The following CD163L1 variants were observed in gnomAD, a reference collection of about 807,000 sequenced individuals.
CD163L1 encodes the protein CD163 molecule like 1.
Under a neutral mutation model 165.4 loss-of-function variants are expected in CD163L1, and 124 were observed. The observed-to-expected ratio is 0.75, with a 90% CI of 0.65 to 0.87. CD163L1 has a LOEUF of 0.87. CD163L1 is among the 40% of genes least tolerant of loss of function. The pLI is 0.00. For missense variants in CD163L1, 1,525 were observed against 1,799.9 expected (o/e 0.85, Z 2.76); for synonymous variants, 585 against 662.2 (o/e 0.88, Z 1.79).
At chr12:7,438,333 AT>A in intron 2 of CD163L1, among the ~76,000 whole-genome samples, 1 of 152,186 alleles carries the variant, frequency 6.6e-6, no homozygotes, top group Non-Finnish European at 1.5e-5. Context: ...TATAAAAATA[AT>A]TTTTATAATG....
intron 6 of CD163L1, among the ~76,000 whole-genome samples, chr12:7,401,158 C>T (rs1177307055): frequency 6.6e-6 from 1 of 152,114 alleles, no homozygotes; most frequent in Non-Finnish European, 1.5e-5. Flanking sequence ...CTCTCAGTAC[C>T]TCTATTTCCT....
At position 7,432,224 on chromosome 12, in the gene CD163L1, TA is replaced by T. The variant is rs1418583974; in HGVS notation, c.766+191del. Among the ~76,000 whole-genome samples the T allele has an allele frequency of 6.6e-6, 1 of 152,242 alleles. No homozygotes were observed. The highest frequency in any genetic ancestry group is 1.5e-5 in the Non-Finnish European group (1 of 68,032). ...AAATATTAAAACTCAAAATGTGCTT[TA>T]GATTTGTTAGGAAGAGCAGTTTTAG... is the stretch of plus-strand genomic sequence containing the variant. On this transcript the variant is annotated intron_variant, in intron 4 of 19. Coordinates refer to ENST00000313599, the MANE Select transcript of CD163L1 (RefSeq NM_174941.6). The surrounding 1 kb of genome is among the most constrained non-coding windows in gnomAD (Gnocchi z 4.2).
intron 4 of CD163L1, among the ~76,000 whole-genome samples, chr12:7,426,568 T>C (rs1052767320): frequency 1.3e-5 from 2 of 152,140 alleles, no homozygotes; most frequent in Non-Finnish European, 2.9e-5. Flanking sequence ...GCTCAGGTGA[T>C]GGGTGCACCA....
chr12:7,320,256 T>A, the CD163L1 span, among the ~76,000 whole-genome samples: 6 of 152,130 alleles, frequency 3.9e-5, no homozygotes, highest in African/African-American at 1.4e-4. Context: ...CCAAAAAAAA[T>A]GCTTATTTCT....
intron 2 of CD163L1, among the ~76,000 whole-genome samples, chr12:7,435,861 G>A (rs998031544): frequency 6.6e-6 from 1 of 151,970 alleles, no homozygotes; most frequent in Non-Finnish European, 1.5e-5. Context: ...TTTACTTAAC[G>A]AAAACTTAAA....
intron 2 of CD163L1, 124 bp from the exon 3 acceptor site, chr12:7,433,818 G>T: frequency 5.7e-6 from 4 of 698,136 alleles, no homozygotes; most frequent in Admixed American, 3.5e-5. Flanking sequence ...ATAGTAGAGA[G>T]AAAATAAAAA....
At chr12:7,414,011 G>A (rs934520092) in intron 4 of CD163L1, among the ~76,000 whole-genome samples, 1 of 152,076 alleles carries the variant, frequency 6.6e-6, no homozygotes, top group African/African-American at 2.4e-5. Flanking sequence ...TAGAGGAAAT[G>A]ACTTATTCAA....
chr12:7,357,597 G>A, intron 18 of CD163L1, 111 bp from the exon 19 acceptor site: 3 of 714,436 alleles, frequency 4.2e-6, no homozygotes, highest in East Asian at 2.6e-5. Context: ...AGAGCAAGAG[G>A]TGACTATTAC....
intron 8 of CD163L1, among the ~76,000 whole-genome samples, chr12:7,380,634 G>A (rs1366861151): frequency 6.6e-6 from 1 of 152,020 alleles, no homozygotes; most frequent in Non-Finnish European, 1.5e-5. Context: ...CAGGGGAAAG[G>A]GTACGAGGGG....
chr12:7,337,915 C>A, the CD163L1 span, among the ~76,000 whole-genome samples: 1 of 152,146 alleles, frequency 6.6e-6, no homozygotes, highest in Non-Finnish European at 1.5e-5. Context: ...GGAGCCAACC[C>A]AAATGTCCAT....
At chr12:7,323,173 C>T in the CD163L1 span, 2 of 1,432,958 alleles carry the variant, frequency 1.4e-6, no homozygotes, top group African/African-American at 1.4e-5. Context: ...TTTTCATTGC[C>T]ATGATATAGT....
the CD163L1 span, among the ~76,000 whole-genome samples, chr12:7,330,569 T>C: frequency 6.6e-6 from 1 of 152,210 alleles, no homozygotes; most frequent in Admixed American, 6.5e-5. Flanking sequence ...TAGAACTGTC[T>C]AACTAGGGCT....
chr12:7,391,871 T>C (rs923821717), intron 8 of CD163L1, among the ~76,000 whole-genome samples: 1 of 152,162 alleles, frequency 6.6e-6, no homozygotes, highest in Admixed American at 6.5e-5. Flanking sequence ...CAAGAAGAGC[T>C]AACTATCCTA....
the CD163L1 span, chr12:7,320,651 G>A: frequency 8.1e-7 from 1 of 1,239,076 alleles, no homozygotes; most frequent in East Asian, 2.4e-5. Flanking sequence ...GAAAATAACA[G>A]GGTGTAGATA....
chr12:7,375,398 C>A lies in CD163L1; in HGVS notation c.2884G>T (p.Val962Leu). 2.5e-6 allele frequency: 4 copies of A among 1,614,206 alleles called. No individual in the cohort carries two copies. Among genetic ancestry groups the A allele is most frequent in the Non-Finnish European group, 3.4e-6 (4 of 1,180,036 alleles). ...GKYIGERSVR[V>L]WGHRFHCLGN... ...AAGCAATGAAACCTGTGTCCCCACA[C>A]ACGAACACTTCTTTCTCCAATATAT... Residue 962 changes from valine (V) to leucine (L), a missense_variant, in exon 11 of 20, where the codon GTG becomes TTG. Coordinates refer to ENST00000313599, the MANE Select transcript of CD163L1 (RefSeq NM_174941.6).
At chr12:7,407,251 G>A (rs994133468) in intron 4 of CD163L1, among the ~76,000 whole-genome samples, 1 of 152,102 alleles carries the variant, frequency 6.6e-6, no homozygotes, top group Admixed American at 6.6e-5. Flanking sequence ...GTGGCAATAA[G>A]ATATCATTGT....
In CD163L1 at chr12:7,356,850, G is replaced by A. The variant is rs760219480; in HGVS notation, c.*24+530C>T. On this transcript the variant is annotated intron_variant, in intron 19 of 19. Coordinates refer to ENST00000313599, the MANE Select transcript of CD163L1 (RefSeq NM_174941.6). ...CAACATTATTATATAACGAGTGCTT[G>A]TTTTTCTAAACCTTTAGAGAATGAT... 1.7e-4 allele frequency among the ~76,000 whole-genome samples: 26 copies of A among 152,160 alleles called. No homozygotes were observed. In the East Asian group the frequency reaches 4.8e-3, roughly 28 times the overall value.
At chr12:7,363,992 A>C (rs1285146192) in intron 18 of CD163L1, among the ~76,000 whole-genome samples, 1 of 152,144 alleles carries the variant, frequency 6.6e-6, no homozygotes, top group Non-Finnish European at 1.5e-5. Flanking sequence ...CAAAGAAAGA[A>C]GACTCCAGGC....
chr12:7,435,122 T>C lies in CD163L1; in HGVS notation c.125-1428A>G, dbSNP rs778455529. 3.9e-5 allele frequency among the ~76,000 whole-genome samples: 6 copies of C among 152,240 alleles called. No homozygotes were observed. In the East Asian group the frequency reaches 7.7e-4, roughly 20 times the overall value. The stretch of plus-strand genomic sequence containing the variant: ...CACACAGAGATATATTCTAATATGA[T>C]TGATATTTGCCATTTCTATTTTTTC... On this transcript the variant is annotated intron_variant, in intron 2 of 19. Transcript: ENST00000313599.
Sources: allele counts gnomAD v4.1 joint callset (sites outside exome capture counted in the v4.1 genomes callset), GRCh38; gene constraint gnomAD v4.1.1; non-coding constraint Gnocchi (gnomAD v3.1); transcripts MANE v1.5; gene names NCBI Gene and HGNC (gene_info 2026-07-23, HGNC 2026-07-21).